Variants in DLGAP1 observed in about 807,000 individuals in gnomAD.
DLGAP1 encodes DLG associated protein 1.
A neutral mutation model predicts 90.8 loss-of-function variants in DLGAP1; 11 were observed. That is an observed-to-expected ratio of 0.12 (90% confidence interval 0.08 to 0.20). The LOEUF (loss-of-function observed/expected upper bound fraction) is 0.20. DLGAP1 is among the 10% of genes least tolerant of loss of function. The pLI is 1.00. For synonymous variants in DLGAP1, 558 were observed against 540.7 expected, an observed-to-expected ratio of 1.03 and a Z score of -0.44; for missense variants, 1,050 against 1,333.8, an observed-to-expected ratio of 0.79 and a Z score of 3.31.
intron 1 of DLGAP1, among the ~76,000 whole-genome samples, chr18:4,422,851 T>C (rs2083070912): frequency 6.6e-6 from 1 of 152,106 alleles, no homozygotes; most frequent in African/African-American, 2.4e-5. Flanking sequence ...ATGAGCCATT[T>C]AAAAGCCAAT....
In DLGAP1 at chr18:3,517,222, G is replaced by T. The variant is rs866498899; in HGVS notation, c.2480-8561C>A. ...TGGCTTCGACTTCAAGTCACCAGGT[G>T]CCTGAGCCCCTAACAAGAGAGTGAG... On this transcript the variant is annotated intron_variant, in intron 10 of 12. Transcript: ENST00000315677. This position sits in a 1 kb window ranked among gnomAD's most constrained non-coding sequence, Gnocchi z 4.1. Among the ~76,000 whole-genome samples the T allele has an allele frequency of 1.6e-4, 24 of 152,282 alleles. No homozygotes were observed. The highest frequency in any genetic ancestry group is 6.8e-3 in the Middle Eastern group (2 of 294).
intron 3 of DLGAP1, among the ~76,000 whole-genome samples, chr18:3,892,888 TTATAAA>T (rs913282828): frequency 2.7e-5 from 4 of 147,450 alleles, no homozygotes; most frequent in South Asian, 2.1e-4. Flanking sequence ...ATATAAAGAA[TTATAAA>T]TATATATAAA....
At chr18:4,334,540 T>C (rs1169164196) in intron 1 of DLGAP1, among the ~76,000 whole-genome samples, 6 of 151,854 alleles carry the variant, frequency 4.0e-5, no homozygotes, top group African/African-American at 1.5e-4. Context: ...TGCAAAAGTA[T>C]TTGTAAAAAT....
chr18:3,899,373 C>T (rs1032871568), intron 3 of DLGAP1, among the ~76,000 whole-genome samples: 3 of 152,220 alleles, frequency 2.0e-5, no homozygotes, highest in Admixed American at 6.5e-5. Context: ...CAGACCAGAT[C>T]TGAGTATGAT....
intron 1 of DLGAP1, among the ~76,000 whole-genome samples, chr18:4,175,504 C>A (rs878963586): frequency 6.6e-6 from 1 of 152,098 alleles, no homozygotes; most frequent in South Asian, 2.1e-4. Context: ...TGCCTATGTC[C>A]TGAATGGTAT....
intron 9 of DLGAP1, among the ~76,000 whole-genome samples, chr18:3,542,219 A>G (rs995278997): frequency 6.6e-6 from 1 of 152,250 alleles, no homozygotes; most frequent in African/African-American, 2.4e-5. Flanking sequence ...TCATCAAAAT[A>G]CGCATCTGCT....
At chr18:3,812,201 T>C (rs1439642388) in intron 5 of DLGAP1, among the ~76,000 whole-genome samples, 6 of 152,182 alleles carry the variant, frequency 3.9e-5, no homozygotes, top group African/African-American at 1.4e-4. Flanking sequence ...AGAGATATTT[T>C]AAGGTCCATA....
intron 2 of DLGAP1, among the ~76,000 whole-genome samples, chr18:4,144,176 C>T (rs2076541902): frequency 6.6e-5 from 10 of 152,206 alleles, no homozygotes; most frequent in Admixed American, 6.5e-4. Flanking sequence ...AGCACCAGGA[C>T]TTGCCCCAGA....
chr18:4,216,764 G>A (rs2077967191), intron 1 of DLGAP1, among the ~76,000 whole-genome samples: 1 of 152,014 alleles, frequency 6.6e-6, no homozygotes, highest in Admixed American at 6.6e-5. Flanking sequence ...CAGAAAAACT[G>A]AATGAAAAGT....
intron 4 of DLGAP1, among the ~76,000 whole-genome samples, chr18:3,868,634 T>C (rs1256301610): frequency 6.6e-6 from 1 of 152,188 alleles, no homozygotes; most frequent in Non-Finnish European, 1.5e-5. Flanking sequence ...TTAAGAGATA[T>C]AATTTCATTA....
chr18:4,105,902 GGC>G (rs2075854291), intron 2 of DLGAP1, among the ~76,000 whole-genome samples: 1 of 151,698 alleles, frequency 6.6e-6, no homozygotes, highest in Admixed American at 6.6e-5. Context: ...CGTGGTGGCG[GGC>G]ACCTGTAGTC....
At chr18:3,548,429 C>T (rs1032679439) in intron 9 of DLGAP1, among the ~76,000 whole-genome samples, 9 of 150,694 alleles carry the variant, frequency 6.0e-5, no homozygotes, top group African/African-American at 2.0e-4. Context: ...AAGGAACTTC[C>T]TCAAGTAAAT....
At chr18:3,837,849 C>CAAAAAA (rs5822770) in intron 4 of DLGAP1, among the ~76,000 whole-genome samples, 1,147 of 26,856 alleles carry the variant, frequency 0.043, 253 homozygotes, top group South Asian at 0.063. Context: ...GAGATTCTGT[C>CAAAAAA]AAAAAAAAAA....
chr18:3,602,605 A>C (rs759615779), intron 7 of DLGAP1, among the ~76,000 whole-genome samples: 8 of 151,618 alleles, frequency 5.3e-5, no homozygotes, highest in Admixed American at 2.0e-4. Context: ...AAAAAAAAAA[A>C]AAAAAAAAAA....
chr18:3,808,335 T>C (rs2066666190), intron 5 of DLGAP1, among the ~76,000 whole-genome samples: 1 of 151,706 alleles, frequency 6.6e-6, no homozygotes, highest in Non-Finnish European at 1.5e-5. Flanking sequence ...TCTTATTATA[T>C]TGGAAAGTGG....
At chr18:4,252,516 A>C (rs2078801327) in intron 1 of DLGAP1, among the ~76,000 whole-genome samples, 1 of 151,762 alleles carries the variant, frequency 6.6e-6, no homozygotes, top group East Asian at 1.9e-4. Flanking sequence ...GAAAAGAAAA[A>C]AGCAGTGTTT....
At position 3,927,611 on chromosome 18, in the gene DLGAP1, T is replaced by C. The variant is rs77357225; in HGVS notation, c.-72-47471A>G. ...TGAATGTTAGGCCTTCAGCTATACA[T>C]ATAATTTAGAGTTTTGATGCTGAAA... is the stretch of plus-strand genomic sequence containing the variant. On this transcript the variant is annotated intron_variant, in intron 3 of 12. Transcript: ENST00000315677. Among the ~76,000 whole-genome samples the C allele has an allele frequency of 7.8e-3, 1,194 of 152,324 alleles. 13 individuals carry two copies. The highest frequency in any genetic ancestry group is 0.028 in the African/African-American group (1,146 of 41,584).
rs1041148230 is a variant in DLGAP1 at position 4,454,305 on chromosome 18, G to A, written c.-267+701C>T. On this transcript the variant is annotated intron_variant, in intron 1 of 12. Transcript: ENST00000315677. The surrounding 1 kb of genome is among the most constrained non-coding windows in gnomAD (Gnocchi z 4.7). ...GGTTCCAGCCCGGCTCATTCAATTC[G>A]CTGAATGTCGGGTCTCCCGGCCCGC... Among the ~76,000 whole-genome samples the A allele has an allele frequency of 2.0e-5, 3 of 152,180 alleles. No homozygotes were observed. The highest frequency in any genetic ancestry group is 4.4e-5 in the Non-Finnish European group (3 of 68,040).
At chr18:3,618,037 CAAAA>C (rs1182543843) in intron 7 of DLGAP1, among the ~76,000 whole-genome samples, 3 of 151,924 alleles carry the variant, frequency 2.0e-5, no homozygotes, top group Non-Finnish European at 2.9e-5. Flanking sequence ...AACTCCATCT[CAAAA>C]GAAAGAAAGA....
Sources: gnomAD v4.1 joint callset for allele counts (sites outside exome capture counted in the v4.1 genomes callset) on GRCh38, gnomAD v4.1.1 for gene constraint, Gnocchi (gnomAD v3.1) non-coding constraint, MANE v1.5 for transcripts, NCBI Gene and HGNC (gene_info 2026-07-23, HGNC 2026-07-21) for gene names.